IQCM: variants seen among roughly 807,000 people sequenced by gnomAD.
IQCM encodes the protein IQ domain-containing protein M.
Under a neutral mutation model 57.6 loss-of-function variants are expected in IQCM, and 45 were observed. The ratio of observed to expected loss-of-function variants is 0.78; its 90% CI spans 0.62 to 1.00. The LOEUF is 1.00. Ranked by LOEUF, IQCM falls within the 50% of genes least tolerant of loss-of-function variation. The probability of loss-of-function intolerance (pLI) is 0.00; values close to 1 mark genes in which losing one functional copy is unlikely to be tolerated. For synonymous variants in IQCM, 148 were observed against 158.9 expected, an observed-to-expected ratio of 0.93 and a Z score of 0.51; for missense variants, 468 against 511.6, an observed-to-expected ratio of 0.91 and a Z score of 0.82.
At chr4:149,443,930 C>T (rs1314856437) in intron 12 of IQCM, among the ~76,000 whole-genome samples, 1 of 151,720 alleles carries the variant, frequency 6.6e-6, no homozygotes, top group African/African-American at 2.4e-5. Context: ...GTGATAAATT[C>T]TTATTTTATT....
At chr4:149,577,328 T>C (rs1751753155) in intron 9 of IQCM, among the ~76,000 whole-genome samples, 1 of 152,036 alleles carries the variant, frequency 6.6e-6, no homozygotes, top group African/African-American at 2.4e-5. Context: ...AAAATGGTAT[T>C]TCCTAGGTTT....
intron 12 of IQCM, among the ~76,000 whole-genome samples, chr4:149,508,596 C>G (rs1327234516): frequency 6.6e-6 from 1 of 152,216 alleles, no homozygotes; most frequent in Non-Finnish European, 1.5e-5. Context: ...TACCCAATGC[C>G]TGTACCCGTA....
At chr4:149,592,410 C>T (rs376353372) in intron 8 of IQCM, among the ~76,000 whole-genome samples, 1 of 151,702 alleles carries the variant, frequency 6.6e-6, no homozygotes, top group Admixed American at 6.6e-5. Context: ...TGTAGGTTGT[C>T]TGTTCACTCT....
At chr4:149,675,637 C>T (rs953539288) in intron 7 of IQCM, among the ~76,000 whole-genome samples, 29 of 151,856 alleles carry the variant, frequency 1.9e-4, no homozygotes, top group African/African-American at 6.0e-4. Flanking sequence ...TTTTAGTGAT[C>T]GCAGGTACCC....
chr4:149,712,995 A>G (rs1340922779), intron 5 of IQCM, among the ~76,000 whole-genome samples: 1 of 151,566 alleles, frequency 6.6e-6, no homozygotes, highest in Non-Finnish European at 1.5e-5. Context: ...AAGACTTGCT[A>G]ATAGTAATGT....
At chr4:149,484,501 C>A (rs897591339) in intron 12 of IQCM, among the ~76,000 whole-genome samples, 4 of 151,916 alleles carry the variant, frequency 2.6e-5, no homozygotes, top group African/African-American at 9.7e-5. Flanking sequence ...AGAGGCCATG[C>A]AAATACTCTC....
intron 9 of IQCM, among the ~76,000 whole-genome samples, chr4:149,565,316 T>C (rs1180322935): frequency 6.6e-6 from 1 of 152,194 alleles, no homozygotes; most frequent in Non-Finnish European, 1.5e-5. Context: ...TTAAGTCTTG[T>C]TCTGTTTTGT....
intron 12 of IQCM, among the ~76,000 whole-genome samples, chr4:149,458,557 T>TG (rs1397553528): frequency 6.6e-6 from 1 of 151,958 alleles, no homozygotes; most frequent in Admixed American, 6.6e-5. Flanking sequence ...ATAACCCTGC[T>TG]GTGTGGTAGG....
rs372364597 is a variant in IQCM, at chr4:149,445,246, C to G, written c.1229-11689G>C. ...TATAAGTGACTGAAAAAAATGGCGG[C>G]CAAATGGGCAACAGGACTGTCAAGG... is the stretch of plus-strand genomic sequence containing the variant. On this transcript the variant is annotated intron_variant, in intron 12 of 13. Coordinates refer to ENST00000636793, the MANE Select transcript of IQCM (RefSeq NM_001363507.2). 2.0e-5 allele frequency among the ~76,000 whole-genome samples: 3 copies of G among 151,686 alleles called. No homozygotes were observed. In the East Asian group the frequency reaches 5.8e-4, roughly 29 times the overall value.
At chr4:149,451,372 A>C (rs944100408) in intron 12 of IQCM, among the ~76,000 whole-genome samples, 3 of 151,836 alleles carry the variant, frequency 2.0e-5, no homozygotes, top group Admixed American at 1.3e-4. Context: ...ATAAATACTT[A>C]AGGGGATGGA....
intron 5 of IQCM, chr4:149,690,890 G>A (rs1228708568): frequency 6.6e-6 from 1 of 152,014 alleles, no homozygotes; most frequent in East Asian, 1.9e-4. Context: ...AAGGTACAGA[G>A]CCAGGACTCC....
intron 9 of IQCM, among the ~76,000 whole-genome samples, chr4:149,580,073 G>A (rs781451612): frequency 5.3e-5 from 8 of 151,722 alleles, no homozygotes; most frequent in Non-Finnish European, 8.8e-5. Flanking sequence ...AGGCCATTTC[G>A]ATTCTACTAT....
chr4:149,536,833 C>T (rs934977430), intron 12 of IQCM, among the ~76,000 whole-genome samples: 7 of 151,874 alleles, frequency 4.6e-5, no homozygotes, highest in Non-Finnish European at 1.0e-4. Context: ...AAATTATTAA[C>T]CAGAAAATAG....
intron 2 of IQCM, among the ~76,000 whole-genome samples, chr4:149,792,120 T>C (rs1404680486): frequency 1.3e-5 from 2 of 152,142 alleles, no homozygotes; most frequent in Non-Finnish European, 2.9e-5. Context: ...GCTAAGGAAA[T>C]ACTCTTTGCC....
intron 7 of IQCM, among the ~76,000 whole-genome samples, chr4:149,657,959 C>T (rs897411468): frequency 6.6e-6 from 1 of 151,858 alleles, no homozygotes; most frequent in African/African-American, 2.4e-5. Context: ...TCTCTTTATG[C>T]TATTATTTTG....
At chr4:149,709,674 ATTCT>A (rs1202848100) in intron 5 of IQCM, among the ~76,000 whole-genome samples, 1 of 152,124 alleles carries the variant, frequency 6.6e-6, no homozygotes, top group Non-Finnish European at 1.5e-5. Context: ...TAAATCCCAG[ATTCT>A]TTCTAAGTAG....
intron 5 of IQCM, among the ~76,000 whole-genome samples, chr4:149,687,197 A>G (rs1209573952): frequency 4.0e-5 from 6 of 151,590 alleles, no homozygotes; most frequent in Non-Finnish European, 8.9e-5. Context: ...TACAGGCTAG[A>G]TGGATCTCAA....
At chr4:149,710,084 A>T (rs1490728335) in intron 5 of IQCM, among the ~76,000 whole-genome samples, 2 of 152,146 alleles carry the variant, frequency 1.3e-5, no homozygotes, top group Non-Finnish European at 2.9e-5. Flanking sequence ...GAAATAAATG[A>T]CTAGAAAAGT....
At chr4:149,531,396 A>G (rs1746733787) in intron 12 of IQCM, among the ~76,000 whole-genome samples, 1 of 152,168 alleles carries the variant, frequency 6.6e-6, no homozygotes, top group South Asian at 2.1e-4. Context: ...TCAACCTAAA[A>G]AAGTTCAAAA....
Sources: gnomAD v4.1 joint callset for allele counts (sites outside exome capture counted in the v4.1 genomes callset) on GRCh38, gnomAD v4.1.1 for gene constraint, MANE v1.5 for transcripts, NCBI Gene and HGNC (gene_info 2026-07-23, HGNC 2026-07-21) for gene names.